Variants in CD27 observed in about 807,000 individuals in gnomAD.
CD27 encodes CD27 molecule, also known as CD27 antigen.
CD27 carries 16 observed loss-of-function variants against 25.9 expected under a neutral mutation model. That is an observed-to-expected ratio of 0.62 (90% confidence interval 0.42 to 0.94). CD27 has a LOEUF of 0.94. CD27 is among the 40% of genes least tolerant of loss of function. CD27 has a pLI of 0.00. For synonymous variants in CD27, 142 were observed against 124.3 expected, an observed-to-expected ratio of 1.14 and a Z score of -0.95; for missense variants, 300 against 333.2, an observed-to-expected ratio of 0.90 and a Z score of 0.78.
chr12:6,447,078 G>A (rs1379712407), intron 2 of CD27: 1 of 151,890 alleles, frequency 6.6e-6, no homozygotes, highest in Non-Finnish European at 1.5e-5. Flanking sequence ...AGAGTGAGCA[G>A]AGTGAGACCC....
intron 2 of CD27, among the ~76,000 whole-genome samples, chr12:6,449,721 A>G (rs78573170): frequency 1 from 151,491 of 151,678 alleles, 75,652 homozygotes; most frequent in East Asian, 1. Context: ...GTGGTGGCAC[A>G]CACCTGTAAT....
At chr12:6,446,153 G>T (rs758908686) in intron 2 of CD27, among the ~76,000 whole-genome samples, 5 of 152,118 alleles carry the variant, frequency 3.3e-5, no homozygotes, top group Non-Finnish European at 7.4e-5. Flanking sequence ...AGAAACTACG[G>T]CCAGTATACA....
At chr12:6,448,302 C>T (rs1338310247) in intron 2 of CD27, among the ~76,000 whole-genome samples, 1 of 152,122 alleles carries the variant, frequency 6.6e-6, no homozygotes, top group Admixed American at 6.5e-5. Flanking sequence ...CTAAGGCCCA[C>T]CAGGCTTTCT....
In CD27 at chr12:6,450,185, G is replaced by A. The variant is rs367968738; in HGVS notation, c.281G>A (p.Arg94His). 63 of 1,612,188 alleles carry A rather than the reference G, an allele frequency of 3.9e-5. No homozygotes were observed. In the Middle Eastern group the frequency reaches 4.9e-4, roughly 13 times the overall value. ...CRHCNSGLLV[R>H]NCTITANAEC... is the part of the protein sequence containing the mutation. Reference sequence around the variant, plus strand: ...TCTCTTCCCCCAGGTCTTCTCGTTCGCAACTGCACCATCACTGCCAATGCT... The same window carrying A: ...TCTCTTCCCCCAGGTCTTCTCGTTCACAACTGCACCATCACTGCCAATGCT... The change falls in exon 3 of 6, where the codon CGC becomes CAC. Residue 94 changes from arginine (R) to histidine (H), a missense_variant. Arg to His is a conservative substitution (Grantham distance 29). Transcript: ENST00000266557. This position sits in a 1 kb window ranked among gnomAD's most constrained non-coding sequence, Gnocchi z 4.1.
chr12:6,451,318 C>A lies in CD27; in HGVS notation c.709C>A (p.Pro237Thr). 1 of 1,614,024 alleles carries A rather than the reference C, an allele frequency of 6.2e-7. No homozygotes were observed. Among genetic ancestry groups the A allele is most frequent in the Non-Finnish European group, 8.5e-7 (1 of 1,179,936 alleles). Reference protein sequence around the residue: ...EPAEPCHYSCPREEEGSTIPI... With the variant: ...EPAEPCHYSCTREEEGSTIPI... The stretch of plus-strand genomic sequence containing the variant: ...TGCAGAGCCTTGTCATTACAGCTGC[C>A]CCAGGGAGGAGGAGGGCAGCACCAT... The change falls in exon 6 of 6, where the codon CCC (proline) becomes ACC (threonine). Residue 237 changes from proline (P) to threonine (T), a missense_variant. Transcript: ENST00000266557.
rs1309461021 is a variant in CD27, at chr12:6,451,406, G to A, written c.*14G>A. The A allele has an allele frequency of 6.2e-7, 1 of 1,611,138 alleles. No homozygotes were observed. The highest frequency in any genetic ancestry group is 1.7e-5 in the Admixed American group (1 of 59,856). ...TGCTCCCCCTGAGCCAGCACCTGCG[G>A]GAGCTGCACTACAGCCCTGGCCTCC... On this transcript the variant is annotated 3_prime_UTR_variant, in exon 6 of 6. Transcript: ENST00000266557.
At chr12:6,446,053 A>C (rs1423466243) in intron 2 of CD27, among the ~76,000 whole-genome samples, 1 of 152,198 alleles carries the variant, frequency 6.6e-6, no homozygotes, top group Non-Finnish European at 1.5e-5. Flanking sequence ...ATAGTTCCAA[A>C]AAAAAAGGTT....
chr12:6,448,551 G>A (rs1023562758), intron 2 of CD27: 1 of 152,244 alleles, frequency 6.6e-6, no homozygotes. Context: ...GGATCACGAG[G>A]TCAGGAGATT....
Position 6,450,928 on chromosome 12 carries a change from G to A in CD27, c.572G>A (p.Arg191His), listed in dbSNP as rs1297439808. The change falls in exon 5 of 6, where the codon CGC becomes CAC. Residue 191 changes from arginine (R) to histidine (H), a missense_variant. Coordinates refer to ENST00000266557, the MANE Select transcript of CD27 (RefSeq NM_001242.5). The surrounding 1 kb of genome is among the most constrained non-coding windows in gnomAD (Gnocchi z 4.1). ...TCCCTGTGCAGCTCCGATTTTATTC[G>A]CATCCTTGTGATCTTCTCTGGAATG... ...QRSLCSSDFI[R>H]ILVIFSGMFL... 25 of 1,613,906 alleles carry A rather than the reference G, an allele frequency of 1.5e-5. No homozygotes were observed. The highest frequency in any genetic ancestry group is 1.6e-4 in the Middle Eastern group (1 of 6,084).
intron 2 of CD27, chr12:6,447,236 C>G (rs916275767): frequency 3.9e-5 from 6 of 152,244 alleles, no homozygotes; most frequent in Admixed American, 2.6e-4. Flanking sequence ...GCGGCCCCGG[C>G]AGGGTTGGAA....
chr12:6,450,316 C>G lies in CD27; in HGVS notation c.412C>G (p.Pro138Ala), dbSNP rs1477494118. ...LTARSSQALS[P>A]HPQPTHLPYV... is the part of the protein sequence containing the mutation. ...CGCTCGGTCGTCTCAGGCCCTGAGC[C>G]CACACCCTCAGCCCACCCACTTACC... The change falls in exon 3 of 6, where the codon CCA becomes GCA. Residue 138 changes from proline to alanine, a missense_variant. Physicochemically the swap from Pro to Ala is conservative, Grantham distance 27. Transcript: ENST00000266557. The surrounding 1 kb of genome is among the most constrained non-coding windows in gnomAD (Gnocchi z 4.1). The G allele has an allele frequency of 6.2e-7, 1 of 1,613,310 alleles. No homozygotes were observed. The highest frequency in any genetic ancestry group is 1.7e-5 in the Admixed American group (1 of 60,008).
intron 2 of CD27, among the ~76,000 whole-genome samples, chr12:6,446,535 G>A (rs1949418894): frequency 6.6e-6 from 1 of 152,176 alleles, no homozygotes; most frequent in African/African-American, 2.4e-5. Flanking sequence ...GCACTTGGGA[G>A]GCCAAGGCAG....
rs1410765478 is a variant in CD27 at position 6,450,033 on chromosome 12, C to A, written c.269-140C>A. On this transcript the variant is annotated intron_variant, in intron 2 of 5. Coordinates refer to ENST00000266557, the MANE Select transcript of CD27 (RefSeq NM_001242.5). This position sits in a 1 kb window ranked among gnomAD's most constrained non-coding sequence, Gnocchi z 4.1. ...TGGGGGACCGTGAGCAAAGGGCAGG[C>A]CTTTGCAGGGGTGGGAATGGAAAGG... The A allele has an allele frequency of 3.0e-6, 2 of 660,688 alleles. No individual in the cohort carries two copies. Among genetic ancestry groups the A allele is most frequent in the Non-Finnish European group, 5.1e-6 (2 of 389,118 alleles). 40.9% of individuals were successfully genotyped at this position (660,688 alleles called of 1,614,324 possible).
intron 2 of CD27, chr12:6,448,863 C>T (rs1949466273): frequency 6.6e-6 from 1 of 152,194 alleles, no homozygotes; most frequent in Non-Finnish European, 1.5e-5. Context: ...GCCATCAACA[C>T]TATCTAATTC....
Position 6,450,322 on chromosome 12 carries a change from C to T in CD27, c.418C>T (p.Pro140Ser), listed in dbSNP as rs1455961157. ...ARSSQALSPH[P>S]QPTHLPYVSE... is the part of the protein sequence containing the mutation. Reference sequence around the variant, plus strand: ...GTCGTCTCAGGCCCTGAGCCCACACCCTCAGCCCACCCACTTACCTTATGT... The same window carrying T: ...GTCGTCTCAGGCCCTGAGCCCACACTCTCAGCCCACCCACTTACCTTATGT... Residue 140 changes from proline (P) to serine (S), a missense_variant, in exon 3 of 6, where the codon CCT (proline) becomes TCT (serine). By Grantham distance (74) the Pro-to-Ser change is moderately conservative (BLOSUM62 -1). Coordinates refer to ENST00000266557, the MANE Select transcript of CD27 (RefSeq NM_001242.5). This position sits in a 1 kb window ranked among gnomAD's most constrained non-coding sequence, Gnocchi z 4.1. 6.2e-7 allele frequency: 1 copy of T among 1,613,048 alleles called. No individual in the cohort carries two copies. The highest frequency in any genetic ancestry group is 8.5e-7 in the Non-Finnish European group (1 of 1,179,976).
At chr12:6,444,024 A>ACC (rs749011627), upstream of CD27, among the ~76,000 whole-genome samples, 4 of 151,814 alleles carry the variant, frequency 2.6e-5, no homozygotes, top group Non-Finnish European at 4.4e-5. Context: ...AAAAGAGATG[A>ACC]CCCCCGTAGG....
chr12:6,449,098 C>T (rs905906453), intron 2 of CD27, among the ~76,000 whole-genome samples: 2 of 152,002 alleles, frequency 1.3e-5, no homozygotes, highest in African/African-American at 4.8e-5. Context: ...CGGGCTCAAG[C>T]GATCCTCCCA....
Position 6,445,632 on chromosome 12 carries a change from G to C in CD27, c.268+77G>C, listed in dbSNP as rs1565507980. The C allele has an allele frequency of 6.5e-7, 1 of 1,536,894 alleles. No homozygotes were observed. Among genetic ancestry groups the C allele is most frequent in the Middle Eastern group, 1.9e-4 (1 of 5,242 alleles). ...AGCAAGGCTGGTGACGGGTTTGGGG[G>C]TGCAAGGAGGATGACGGGGCCAAAG... is the stretch of plus-strand genomic sequence containing the variant. On this transcript the variant is annotated intron_variant, in intron 2 of 5. Transcript: ENST00000266557. This position sits in a 1 kb window ranked among gnomAD's most constrained non-coding sequence, Gnocchi z 4.5.
In CD27 at chr12:6,445,089, A is replaced by T. The variant is rs1211828309; in HGVS notation, c.-7A>T. 3 of 1,601,822 alleles carry T rather than the reference A, an allele frequency of 1.9e-6. No individual in the cohort carries two copies. Among genetic ancestry groups the T allele is most frequent in the Middle Eastern group, 2.0e-4 (1 of 5,072 alleles). On this transcript the variant is annotated 5_prime_UTR_variant, in exon 1 of 6. Coordinates refer to ENST00000266557, the MANE Select transcript of CD27 (RefSeq NM_001242.5). The surrounding 1 kb of genome is among the most constrained non-coding windows in gnomAD (Gnocchi z 4.5). ...GGGCACAGAAAGGAGCCGCCTGGGCAGGGACCATGGCACGGCCACATCCCT... is the reference window on the plus strand; with the variant it reads ...GGGCACAGAAAGGAGCCGCCTGGGCTGGGACCATGGCACGGCCACATCCCT...
Sources: allele counts gnomAD v4.1 joint callset (sites outside exome capture counted in the v4.1 genomes callset), GRCh38; gene constraint gnomAD v4.1.1; non-coding constraint Gnocchi (gnomAD v3.1); transcripts MANE v1.5; gene names NCBI Gene and HGNC (gene_info 2026-07-23, HGNC 2026-07-21).